NBN: variants seen among roughly 807,000 people sequenced by gnomAD.
NBN encodes Nijmegen breakage syndrome 1 (nibrin).
In NBN, 88 loss-of-function variants were observed where a neutral mutation model predicts 90.8. That is an observed-to-expected ratio of 0.97 (90% confidence interval 0.82 to 1.16). NBN has a LOEUF of 1.16. Among genes scored for constraint, NBN ranks in the 50% most tolerant of loss-of-function variants. The pLI is 0.00. For synonymous variants in NBN, 328 were observed against 295.1 expected (o/e 1.11, Z -1.14); for missense variants, 894 against 869.6 (o/e 1.03, Z -0.35).
At chr8:89,942,899 T>A (rs1176831779) in intron 14 of NBN, among the ~76,000 whole-genome samples, 1 of 152,166 alleles carries the variant, frequency 6.6e-6, no homozygotes, top group Non-Finnish European at 1.5e-5. Context: ...ATCCCCAGAT[T>A]TAAAAAGGCC....
chr8:89,959,716 G>A (rs1299729449), intron 8 of NBN, among the ~76,000 whole-genome samples: 3 of 152,188 alleles, frequency 2.0e-5, no homozygotes, highest in African/African-American at 2.4e-5. Context: ...ATTGTGCCAT[G>A]GCACTCCAGC....
At chr8:89,953,870 A>G (rs965933443) in intron 10 of NBN, 179 bp from the exon 11 acceptor site, 13 of 171,466 alleles carry the variant, frequency 7.6e-5, no homozygotes, top group Admixed American at 4.6e-4. Flanking sequence ...ACTCACATAC[A>G]TTCTGCTGTT....
At chr8:89,978,406 A>T in intron 4 of NBN, 83 bp from the exon 5 acceptor site, 1 of 1,150,396 alleles carries the variant, frequency 8.7e-7, no homozygotes, top group Admixed American at 1.9e-5. Context: ...AACTACAAAG[A>T]GGCTGTTTAC....
At chr8:89,982,218 A>G (rs1193070887) in intron 2 of NBN, among the ~76,000 whole-genome samples, 1 of 152,190 alleles carries the variant, frequency 6.6e-6, no homozygotes, top group African/African-American at 2.4e-5. Flanking sequence ...ATAAGTAAGC[A>G]TTTCCCTAAT....
At position 89,955,683 on chromosome 8, in the gene NBN, T is replaced by C; in HGVS notation, c.1125-128A>G. On this transcript the variant is annotated intron_variant, in intron 9 of 15. Coordinates refer to ENST00000265433, the MANE Select transcript of NBN (RefSeq NM_002485.5). ...AGATAATTTTTAGACAAAAATACAC[T>C]GAATATATTTTACCATCCCAAGAAA... 6.4e-6 allele frequency: 7 copies of C among 1,088,098 alleles called. No homozygotes were observed. In the South Asian group the frequency reaches 9.4e-5, roughly 15 times the overall value. 67.4% of individuals were successfully genotyped at this position (1,088,098 alleles called of 1,614,324 possible).
intron 2 of NBN, 109 bp from the exon 3 acceptor site, chr8:89,981,632 A>G (rs781265397): frequency 1.9e-6 from 2 of 1,078,884 alleles, no homozygotes; most frequent in Non-Finnish European, 2.7e-6. Flanking sequence ...ACCTCCCAAC[A>G]CGGCAGACAA....
intron 1 of NBN, chr8:89,984,133 A>C (rs1812211340): frequency 5.8e-6 from 2 of 345,936 alleles, no homozygotes; most frequent in Non-Finnish European, 1.1e-5. Context: ...TTCACAAGTC[A>C]TGTGTGGCCC....
intron 7 of NBN, among the ~76,000 whole-genome samples, chr8:89,968,977 T>C (rs1811379377): frequency 6.6e-6 from 1 of 152,232 alleles, no homozygotes; most frequent in Non-Finnish European, 1.5e-5. Flanking sequence ...AAAATATTTA[T>C]AGGATAGATG....
chr8:89,961,513 A>G (rs571853452), intron 8 of NBN, among the ~76,000 whole-genome samples: 3 of 152,224 alleles, frequency 2.0e-5, no homozygotes, highest in Non-Finnish European at 2.9e-5. Context: ...AGTGAAAACA[A>G]TTTAGAAGAG....
intron 11 of NBN, among the ~76,000 whole-genome samples, chr8:89,953,010 G>C (rs1810510711): frequency 6.6e-6 from 1 of 152,032 alleles, no homozygotes; most frequent in Admixed American, 6.6e-5. Flanking sequence ...GCCTAATTTG[G>C]AAATCTAGTA....
chr8:89,984,386 A>G (rs1812229796), intron 1 of NBN, 139 bp downstream of exon 1: 15 of 790,114 alleles, frequency 1.9e-5, no homozygotes, highest in South Asian at 1.7e-4. Flanking sequence ...CTTGCCATAC[A>G]GCGTACTCGC....
intron 7 of NBN, among the ~76,000 whole-genome samples, chr8:89,968,553 A>G (rs1811357739): frequency 6.6e-6 from 1 of 152,162 alleles, no homozygotes; most frequent in Admixed American, 6.5e-5. Context: ...AAATGTTTAT[A>G]CATACATAAA....
At chr8:89,946,907 C>T (rs931828751) in intron 12 of NBN, among the ~76,000 whole-genome samples, 4 of 152,092 alleles carry the variant, frequency 2.6e-5, no homozygotes, top group Admixed American at 1.3e-4. Context: ...TTCTTGGCTT[C>T]GTGTCATTTA....
At chr8:89,963,312 T>C (rs1811085194) in intron 8 of NBN, among the ~76,000 whole-genome samples, 1 of 152,206 alleles carries the variant, frequency 6.6e-6, no homozygotes, top group Non-Finnish European at 1.5e-5. Flanking sequence ...CTACAGTGAA[T>C]GATGCTCCCC....
intron 2 of NBN, chr8:89,981,956 A>T: frequency 8.4e-7 from 1 of 1,188,450 alleles, no homozygotes; most frequent in Non-Finnish European, 1.1e-6. Context: ...GACTTACAGT[A>T]ACAATTTTAC....
chr8:89,968,799 C>G (rs571534444), intron 7 of NBN, among the ~76,000 whole-genome samples: 2 of 152,292 alleles, frequency 1.3e-5, no homozygotes, highest in African/African-American at 2.4e-5. Flanking sequence ...TGCCTCTAGA[C>G]AGTAAGCTCC....
intron 1 of NBN, 91 bp from the exon 2 acceptor site, chr8:89,982,946 AG>A (rs1255510194): frequency 4.6e-6 from 6 of 1,291,848 alleles, no homozygotes; most frequent in Non-Finnish European, 6.6e-6. Flanking sequence ...TATATGATAT[AG>A]GTATGACAAA....
chr8:89,977,860 G>C (rs547931867), intron 5 of NBN, among the ~76,000 whole-genome samples: 11 of 152,264 alleles, frequency 7.2e-5, no homozygotes, highest in South Asian at 4.1e-4. Context: ...GGACTATGTG[G>C]CTTGCAAAGA....
intron 14 of NBN, among the ~76,000 whole-genome samples, chr8:89,940,159 C>A (rs1432684181): frequency 6.6e-6 from 1 of 152,140 alleles, no homozygotes; most frequent in Non-Finnish European, 1.5e-5. Context: ...AATCATGGCT[C>A]ACTGCAACCT....
Sources: allele counts gnomAD v4.1 joint callset (sites outside exome capture counted in the v4.1 genomes callset), GRCh38; gene constraint gnomAD v4.1.1; transcripts MANE v1.5; gene names NCBI Gene and HGNC (gene_info 2026-07-23, HGNC 2026-07-21).